SPHKAP: variants seen among roughly 807,000 people sequenced by gnomAD.
SPHKAP encodes the protein A-kinase anchor protein SPHKAP.
SPHKAP carries 67 observed loss-of-function variants against 137.5 expected under a neutral mutation model. The observed-to-expected ratio is 0.49, with a 90% CI of 0.40 to 0.60. The LOEUF is 0.60. Ranked by LOEUF, SPHKAP falls within the 20% of genes least tolerant of loss-of-function variation. The pLI, the probability that SPHKAP is intolerant of heterozygous loss-of-function variation, is 0.00. For missense variants in SPHKAP, 2,097 were observed against 2,069.3 expected (o/e 1.01, Z -0.26); for synonymous variants, 813 against 785.3 (o/e 1.04, Z -0.59).
chr2:228,181,228 C>T lies in SPHKAP; in HGVS notation c.32+339G>A, dbSNP rs1380722261. ...TGTCTCTCCACAAGGTGTGAAACCT[C>T]TCCAAGCTGTGTCCGCGGAAAGTCC... On this transcript the variant is annotated intron_variant, in intron 1 of 11. Coordinates refer to ENST00000392056, the MANE Select transcript of SPHKAP (RefSeq NM_001142644.2). This position sits in a 1 kb window ranked among gnomAD's most constrained non-coding sequence, Gnocchi z 4.3. Among the ~76,000 whole-genome samples, 1 of 152,150 alleles carries T rather than the reference C, an allele frequency of 6.6e-6. No homozygotes were observed. The highest frequency in any genetic ancestry group is 1.5e-5 in the Non-Finnish European group (1 of 68,020).
At chr2:228,099,248 A>G (rs1698108069) in intron 3 of SPHKAP, among the ~76,000 whole-genome samples, 1 of 152,178 alleles carries the variant, frequency 6.6e-6, no homozygotes, top group Non-Finnish European at 1.5e-5. Flanking sequence ...TCTTCTGCAT[A>G]TGGCTAGTCA....
At chr2:228,025,247 A>C (rs1045434030) in intron 5 of SPHKAP, 147 bp downstream of exon 5, 2 of 819,240 alleles carry the variant, frequency 2.4e-6, no homozygotes, top group Admixed American at 3.6e-5. Flanking sequence ...TAAGAGAAAT[A>C]CAAATGCAGA....
chr2:228,050,526 T>G (rs1044951910), intron 3 of SPHKAP, among the ~76,000 whole-genome samples: 1 of 152,228 alleles, frequency 6.6e-6, no homozygotes, highest in African/African-American at 2.4e-5. Flanking sequence ...CTGATACATA[T>G]TAGATGTACC....
At chr2:228,114,993 A>T (rs1217938162) in intron 2 of SPHKAP, among the ~76,000 whole-genome samples, 1 of 152,126 alleles carries the variant, frequency 6.6e-6, no homozygotes, top group Non-Finnish European at 1.5e-5. Context: ...GGAGGAGGGG[A>T]TGGCAAAGGG....
At chr2:228,112,599 T>C (rs968436903) in intron 2 of SPHKAP, among the ~76,000 whole-genome samples, 1 of 152,034 alleles carries the variant, frequency 6.6e-6, no homozygotes, top group Non-Finnish European at 1.5e-5. Flanking sequence ...AGAGGGGGAC[T>C]TGCCAAAAGT....
chr2:228,056,182 C>T (rs780237302), intron 3 of SPHKAP, among the ~76,000 whole-genome samples: 25 of 152,190 alleles, frequency 1.6e-4, no homozygotes, highest in Admixed American at 2.0e-4. Context: ...TTTATAGAAA[C>T]GGTTGTTTAA....
At chr2:228,093,719 G>A (rs1306742771) in intron 3 of SPHKAP, among the ~76,000 whole-genome samples, 1 of 117,390 alleles carries the variant, frequency 8.5e-6, no homozygotes, top group Non-Finnish European at 1.9e-5. Flanking sequence ...TTAGCTGAGA[G>A]TGGTGGCGGG....
At chr2:228,090,162 G>A (rs1697677671) in intron 3 of SPHKAP, among the ~76,000 whole-genome samples, 1 of 152,176 alleles carries the variant, frequency 6.6e-6, no homozygotes, top group Non-Finnish European at 1.5e-5. Flanking sequence ...ACCCTGCAAA[G>A]CCACAGGAGT....
In SPHKAP at chr2:228,019,817, A is replaced by T. The variant is rs1337689959; in HGVS notation, c.1037T>A (p.Phe346Tyr). The T allele has an allele frequency of 6.2e-7, 1 of 1,614,122 alleles. No homozygotes were observed. Among genetic ancestry groups the T allele is most frequent in the Non-Finnish European group, 8.5e-7 (1 of 1,180,006 alleles). The change falls in exon 7 of 12, where the codon TTC (phenylalanine) becomes TAC (tyrosine). Residue 346 changes from phenylalanine to tyrosine, a missense_variant. Phe to Tyr is a conservative substitution (Grantham distance 22, BLOSUM62 3). Transcript: ENST00000392056. ...QALYIPKDAY[F>Y]SMMDKDVPSA... ...AGGTACATCTTTATCCATCATGGAG[A>T]AATAAGCATCTTTTGGAATATACAG...
intron 2 of SPHKAP, among the ~76,000 whole-genome samples, chr2:228,115,498 C>A (rs1698680104): frequency 6.6e-6 from 1 of 152,134 alleles, no homozygotes; most frequent in Non-Finnish European, 1.5e-5. Flanking sequence ...GTCTTACAGT[C>A]TGCTCTCCAA....
chr2:228,096,402 G>T (rs949811905), intron 3 of SPHKAP, among the ~76,000 whole-genome samples: 2 of 152,048 alleles, frequency 1.3e-5, no homozygotes, highest in Admixed American at 1.3e-4. Flanking sequence ...CTCAGTGTAC[G>T]TTGCAGACTG....
chr2:228,016,937 A>G lies in SPHKAP; in HGVS notation c.3917T>C (p.Ile1306Thr). The G allele has an allele frequency of 6.2e-7, 1 of 1,614,112 alleles. No individual in the cohort carries two copies. Among genetic ancestry groups the G allele is most frequent in the Non-Finnish European group, 8.5e-7 (1 of 1,180,014 alleles). The change falls in exon 7 of 12, where the codon ATT becomes ACT. Residue 1306 changes from isoleucine to threonine, a missense_variant. Coordinates refer to ENST00000392056, the MANE Select transcript of SPHKAP (RefSeq NM_001142644.2). The part of the protein sequence containing the change: ...GGTDHITNML[I>T]HETWASSIEA... ...AATGGAGCTAGCCCACGTTTCATGA[A>G]TTAACATGTTGGTGATGTGGTCAGT...
chr2:228,028,817 A>G (rs951948592), intron 3 of SPHKAP, among the ~76,000 whole-genome samples: 3 of 152,234 alleles, frequency 2.0e-5, no homozygotes, highest in Admixed American at 2.0e-4. Flanking sequence ...TGTCCCTAAC[A>G]GTAAGTGACT....
intron 2 of SPHKAP, among the ~76,000 whole-genome samples, chr2:228,113,603 ATCTCTCTCTCTCTCTC>A (rs139499722): frequency 2.6e-3 from 258 of 97,968 alleles, no homozygotes; most frequent in Middle Eastern, 6.4e-3. Context: ...GCATTTAGCC[ATCTCTCTCTCTCTCTC>A]TCTCTCTCTC....
chr2:228,087,008 C>A (rs1302253742), intron 3 of SPHKAP, among the ~76,000 whole-genome samples: 1 of 152,118 alleles, frequency 6.6e-6, no homozygotes, highest in Non-Finnish European at 1.5e-5. Context: ...TAGCCCAGGG[C>A]ATTGTTGAAA....
At position 228,097,842 on chromosome 2, in the gene SPHKAP, C is replaced by T. The variant is rs550361175; in HGVS notation, c.246+10990G>A. On this transcript the variant is annotated intron_variant, in intron 3 of 11. Coordinates refer to ENST00000392056, the MANE Select transcript of SPHKAP (RefSeq NM_001142644.2). ...TTCCTTTTATAGCTGTGTAGTATTCCGTGGTGTATATACACCACATTTTCT... is the reference window on the plus strand; with the variant it reads ...TTCCTTTTATAGCTGTGTAGTATTCTGTGGTGTATATACACCACATTTTCT... 1.5e-4 allele frequency among the ~76,000 whole-genome samples: 23 copies of T among 152,224 alleles called. No individual in the cohort carries two copies. In the South Asian group the frequency reaches 4.6e-3, roughly 30 times the overall value.
At position 228,132,208 on chromosome 2, in the gene SPHKAP, T is replaced by C; in HGVS notation, c.33-123A>G. ...ATCTTTTTCAGATTGCATTAAACAC[T>C]GCAAATCCCCCTGCTGAAATGGACA... On this transcript the variant is annotated intron_variant, in intron 1 of 11. Transcript: ENST00000392056. 5 of 799,208 alleles carry C rather than the reference T, an allele frequency of 6.3e-6. No individual in the cohort carries two copies. The South Asian group carries it at 6.4e-5, about 10-fold the overall frequency. The allele number at this position is 799,208 out of a possible 1,614,324, so 49.5% of individuals were successfully genotyped here.
chr2:228,022,284 T>A (rs1694869828), intron 5 of SPHKAP: 2 of 721,502 alleles, frequency 2.8e-6, no homozygotes, highest in Non-Finnish European at 3.4e-6. Flanking sequence ...TTGAGGCTAT[T>A]AAAATAGGGA....
At chr2:227,992,018 T>C (rs568030835) in intron 9 of SPHKAP, among the ~76,000 whole-genome samples, 1 of 152,196 alleles carries the variant, frequency 6.6e-6, no homozygotes. Context: ...TGTTTTCATA[T>C]GGTGTGTACT....
Sources: allele counts gnomAD v4.1 joint callset (sites outside exome capture counted in the v4.1 genomes callset), GRCh38; gene constraint gnomAD v4.1.1; non-coding constraint Gnocchi (gnomAD v3.1); transcripts MANE v1.5; gene names NCBI Gene and HGNC (gene_info 2026-07-23, HGNC 2026-07-21).